SCN3B: variants seen among roughly 807,000 people sequenced by gnomAD.
SCN3B encodes sodium channel regulatory subunit beta-3.
SCN3B carries 11 observed loss-of-function variants against 25.4 expected under a neutral mutation model. The observed-to-expected ratio is 0.43, with a 90% CI of 0.27 to 0.72. The LOEUF (loss-of-function observed/expected upper bound fraction) is 0.72, where lower values mean the gene tolerates loss of function less well. Ranked by LOEUF, SCN3B falls within the 30% of genes least tolerant of loss-of-function variation. SCN3B has a pLI of 0.18. For synonymous variants in SCN3B, 109 were observed against 110.7 expected, an observed-to-expected ratio of 0.99 and a Z score of 0.09; for missense variants, 218 against 278.3, an observed-to-expected ratio of 0.78 and a Z score of 1.54.
intron 3 of SCN3B, among the ~76,000 whole-genome samples, chr11:123,643,454 C>T (rs1955813361): frequency 6.6e-6 from 1 of 152,256 alleles, no homozygotes; most frequent in Non-Finnish European, 1.5e-5. Context: ...ATTCTAGTCT[C>T]CACTAGCCAC....
rs1955801697 is a variant in SCN3B at position 123,642,363 on chromosome 11, C to T, written c.445+83G>A. 1 of 1,317,590 alleles carries T rather than the reference C, an allele frequency of 7.6e-7. No individual in the cohort carries two copies. The highest frequency in any genetic ancestry group is 1.1e-6 in the Non-Finnish European group (1 of 912,878). The allele number at this position is 1,317,590 out of a possible 1,614,324, so 81.6% of individuals were successfully genotyped here. ...CATGGGTTTTTGCACTCTTTAAGGG[C>T]CTCACTCGTGGAAAACTGCTGTCCT... On this transcript the variant is annotated intron_variant, in intron 4 of 6. Transcript: ENST00000299333. The surrounding 1 kb of genome is among the most constrained non-coding windows in gnomAD (Gnocchi z 4.3).
At chr11:123,644,800 A>ATAT (rs1272015067) in intron 3 of SCN3B, among the ~76,000 whole-genome samples, 11 of 45,578 alleles carry the variant, frequency 2.4e-4, no homozygotes, top group Admixed American at 1.3e-3. Context: ...AGAGAGAGAG[A>ATAT]ATATATATAT....
At chr11:123,651,687 T>C (rs1435853111) in intron 2 of SCN3B, among the ~76,000 whole-genome samples, 1 of 152,144 alleles carries the variant, frequency 6.6e-6, no homozygotes, top group Non-Finnish European at 1.5e-5. Flanking sequence ...TTTCTTACAG[T>C]TAACAACCAA....
rs1955801738 is a variant in SCN3B, at chr11:123,642,365, T to G, written c.445+81A>C. ...TGGGTTTTTGCACTCTTTAAGGGCC[T>G]CACTCGTGGAAAACTGCTGTCCTAC... is the stretch of plus-strand genomic sequence containing the variant. On this transcript the variant is annotated intron_variant, in intron 4 of 6. Coordinates refer to ENST00000299333, the MANE Select transcript of SCN3B (RefSeq NM_001040151.2). The surrounding 1 kb of genome is among the most constrained non-coding windows in gnomAD (Gnocchi z 4.3). 7.4e-7 allele frequency: 1 copy of G among 1,352,160 alleles called. No individual in the cohort carries two copies. The allele number at this position is 1,352,160 out of a possible 1,614,324, so 83.8% of individuals were successfully genotyped here. A position where few individuals can be genotyped will look rare whatever the true frequency, so the allele number is the denominator to read the frequency against.
intron 2 of SCN3B, among the ~76,000 whole-genome samples, chr11:123,650,644 C>G (rs1468017050): frequency 6.6e-6 from 1 of 152,118 alleles, no homozygotes; most frequent in East Asian, 1.9e-4. Context: ...GGGACGGTAG[C>G]TCAGAAGAGA....
chr11:123,641,985 A>C (rs905795441), intron 4 of SCN3B, among the ~76,000 whole-genome samples: 1 of 152,168 alleles, frequency 6.6e-6, no homozygotes, highest in African/African-American at 2.4e-5. Context: ...AAAGCCCTGC[A>C]GGAGATTTTG....
At position 123,631,911 on chromosome 11, in the gene SCN3B, C is replaced by T. The variant is rs1955677774; in HGVS notation, c.*1888G>A. The T allele has an allele frequency of 6.6e-6, 1 of 152,120 alleles. No homozygotes were observed. The highest frequency in any genetic ancestry group is 2.4e-5 in the African/African-American group (1 of 41,422). 9.4% of individuals were successfully genotyped at this position (152,120 alleles called of 1,614,324 possible). On this transcript the variant is annotated 3_prime_UTR_variant, in exon 7 of 7. Transcript: ENST00000299333. ...GGGATGGAAGAATGAAAAAAATGAG[C>T]TTTTAAGGTAAAGCCCTAAACCTAT...
In SCN3B at chr11:123,645,601, C is replaced by A. The variant is rs1020414330; in HGVS notation, c.205G>T (p.Gly69Cys). ...GTCTAACATACAAGGAAATCTTTAC[C>A]GCCCTCGGGCCTGTAGAACCATTCC... ...VVEWFYRPEG[G>C]KDFLIYEYRN... Residue 69 changes from glycine to cysteine, a missense_variant, in exon 3 of 7, where the codon GGT (glycine) becomes TGT (cysteine). Physicochemically the swap from Gly to Cys is radical, Grantham distance 159. Coordinates refer to ENST00000299333, the MANE Select transcript of SCN3B (RefSeq NM_001040151.2). 1 of 1,614,004 alleles carries A rather than the reference C, an allele frequency of 6.2e-7. No individual in the cohort carries two copies. The highest frequency in any genetic ancestry group is 1.3e-5 in the African/African-American group (1 of 74,936).
intron 4 of SCN3B, chr11:123,639,543 A>AT (rs1378921980): frequency 6.6e-6 from 1 of 152,022 alleles, no homozygotes; most frequent in Non-Finnish European, 1.5e-5. Context: ...TGCCCAGCTA[A>AT]TTTTTTATAC....
chr11:123,649,634 T>G (rs1955897411), intron 2 of SCN3B, among the ~76,000 whole-genome samples: 1 of 145,370 alleles, frequency 6.9e-6, no homozygotes, highest in South Asian at 2.1e-4. Flanking sequence ...TTTTTCTTTC[T>G]TTCTTTTTTT....
At chr11:123,645,315 C>T (rs145703623) in intron 3 of SCN3B, among the ~76,000 whole-genome samples, 50 of 152,250 alleles carry the variant, frequency 3.3e-4, no homozygotes, top group African/African-American at 1.1e-3. Context: ...TGTGGTAGGG[C>T]GCCTATCACA....
intron 5 of SCN3B, among the ~76,000 whole-genome samples, chr11:123,637,082 G>GA (rs1231721574): frequency 6.6e-6 from 1 of 152,148 alleles, no homozygotes; most frequent in Non-Finnish European, 1.5e-5. Flanking sequence ...AAATCTGTGG[G>GA]TTTTTTCTAT....
At chr11:123,647,384 A>G (rs1228197651) in intron 2 of SCN3B, among the ~76,000 whole-genome samples, 2 of 152,172 alleles carry the variant, frequency 1.3e-5, no homozygotes, top group Non-Finnish European at 2.9e-5. Context: ...CTCAGGAGGT[A>G]AGAGGATTGC....
chr11:123,644,875 A>T (rs554364843), intron 3 of SCN3B, among the ~76,000 whole-genome samples: 129 of 150,460 alleles, frequency 8.6e-4, no homozygotes, highest in Non-Finnish European at 1.7e-3. Context: ...ACATACATAT[A>T]TATATATACA....
At position 123,642,933 on chromosome 11, in the gene SCN3B, C is replaced by T. The variant is rs1030984796; in HGVS notation, c.220-262G>A. ...GACGTGGTGAGGACAGAGGCAGCCACGGGCGTGTAGGAAGAAGCTTGGCAG... is the reference window on the plus strand; with the variant it reads ...GACGTGGTGAGGACAGAGGCAGCCATGGGCGTGTAGGAAGAAGCTTGGCAG... On this transcript the variant is annotated intron_variant, in intron 3 of 6. Transcript: ENST00000299333. This position sits in a 1 kb window ranked among gnomAD's most constrained non-coding sequence, Gnocchi z 4.3. Among the ~76,000 whole-genome samples, 4 of 151,620 alleles carry T rather than the reference C, an allele frequency of 2.6e-5. No homozygotes were observed. Among genetic ancestry groups the T allele is most frequent in the African/African-American group, 9.7e-5 (4 of 41,318 alleles).
chr11:123,636,154 C>T (rs1345501472), intron 5 of SCN3B, among the ~76,000 whole-genome samples: 1 of 152,128 alleles, frequency 6.6e-6, no homozygotes, highest in East Asian at 1.9e-4. Context: ...ATCCCCGGAA[C>T]TGGGGAGTAC....
chr11:123,644,143 CT>C, intron 3 of SCN3B, among the ~76,000 whole-genome samples: 2 of 152,336 alleles, frequency 1.3e-5, no homozygotes, highest in Admixed American at 1.3e-4. Context: ...TCAAAGCTGT[CT>C]TAGTTATTAA....
At position 123,642,955 on chromosome 11, in the gene SCN3B, G is replaced by A. The variant is rs980902315; in HGVS notation, c.220-284C>T. On this transcript the variant is annotated intron_variant, in intron 3 of 6. Transcript: ENST00000299333. This position sits in a 1 kb window ranked among gnomAD's most constrained non-coding sequence, Gnocchi z 4.3. Reference sequence around the variant, plus strand: ...CCACGGGCGTGTAGGAAGAAGCTTGGCAGAAAAAAAGGGGTGGAAAGAGGG... The same window carrying A: ...CCACGGGCGTGTAGGAAGAAGCTTGACAGAAAAAAAGGGGTGGAAAGAGGG... Among the ~76,000 whole-genome samples, 3 of 152,018 alleles carry A rather than the reference G, an allele frequency of 2.0e-5. No individual in the cohort carries two copies. The highest frequency in any genetic ancestry group is 6.6e-5 in the Admixed American group (1 of 15,258).
At chr11:123,647,598 G>A (rs971806910) in intron 2 of SCN3B, among the ~76,000 whole-genome samples, 7 of 152,016 alleles carry the variant, frequency 4.6e-5, no homozygotes, top group African/African-American at 1.7e-4. Flanking sequence ...GAAAAAAAAA[G>A]AAATAATACA....
Sources: gnomAD v4.1 joint callset for allele counts (sites outside exome capture counted in the v4.1 genomes callset) on GRCh38, gnomAD v4.1.1 for gene constraint, Gnocchi (gnomAD v3.1) non-coding constraint, MANE v1.5 for transcripts, NCBI Gene and HGNC (gene_info 2026-07-23, HGNC 2026-07-21) for gene names.